Variants in HS3ST3B1 observed in about 807,000 individuals in gnomAD.
HS3ST3B1 encodes heparan sulfate glucosamine 3-O-sulfotransferase 3B1.
A neutral mutation model predicts 21.3 loss-of-function variants in HS3ST3B1; 13 were observed. That is an observed-to-expected ratio of 0.61 (90% CI 0.40 to 0.97). HS3ST3B1 has a LOEUF of 0.97. HS3ST3B1 is among the 50% of genes least tolerant of loss of function. HS3ST3B1 has a pLI of 0.00. For missense variants in HS3ST3B1, 459 were observed against 554.8 expected (o/e 0.83, Z 1.73); for synonymous variants, 234 against 254.8 (o/e 0.92, Z 0.78).
intron 1 of HS3ST3B1, among the ~76,000 whole-genome samples, chr17:14,306,125 T>C (rs2142323342): frequency 6.6e-6 from 1 of 152,326 alleles, no homozygotes; most frequent in East Asian, 1.9e-4. Flanking sequence ...CCTTTAGTGG[T>C]CTCAGCGCAG....
At chr17:14,336,903 G>C (rs185160789) in intron 1 of HS3ST3B1, among the ~76,000 whole-genome samples, 32 of 152,156 alleles carry the variant, frequency 2.1e-4, no homozygotes, top group African/African-American at 7.5e-4. Flanking sequence ...AGGCTGACAA[G>C]ACCAAGATTT....
chr17:14,321,661 T>A (rs1909662690), intron 1 of HS3ST3B1, among the ~76,000 whole-genome samples: 1 of 151,726 alleles, frequency 6.6e-6, no homozygotes, highest in Non-Finnish European at 1.5e-5. Context: ...TTCCAGGATG[T>A]GGGTAAGTGG....
At chr17:14,340,349 C>T (rs7222663) in intron 1 of HS3ST3B1, among the ~76,000 whole-genome samples, 22,733 of 151,920 alleles carry the variant, frequency 0.15, 1,778 homozygotes, top group Middle Eastern at 0.18. Flanking sequence ...CCTATTAGAT[C>T]GGTTTAGCCA....
chr17:14,305,948 G>A (rs1909125639), intron 1 of HS3ST3B1, among the ~76,000 whole-genome samples: 2 of 152,152 alleles, frequency 1.3e-5, no homozygotes, highest in Admixed American at 1.3e-4. Context: ...TCACAGCTGG[G>A]AAGTACCAAA....
chr17:14,306,113 TG>T (rs1909132428), intron 1 of HS3ST3B1, among the ~76,000 whole-genome samples: 1 of 152,198 alleles, frequency 6.6e-6, no homozygotes. Context: ...CTTTCTGACA[TG>T]CCTTTAGTGG....
chr17:14,313,061 C>T (rs1465505062), intron 1 of HS3ST3B1, among the ~76,000 whole-genome samples: 1 of 123,900 alleles, frequency 8.1e-6, no homozygotes, highest in Non-Finnish European at 1.7e-5. Flanking sequence ...CCCACCACAC[C>T]ACACCCAGCT....
chr17:14,329,354 A>G (rs1159867532), intron 1 of HS3ST3B1: 32 of 111,884 alleles, frequency 2.9e-4, no homozygotes, highest in African/African-American at 1.1e-3. Context: ...AGAAAGAAAG[A>G]AAGAAAGAAA....
At chr17:14,321,154 G>C (rs1909646640) in intron 1 of HS3ST3B1, among the ~76,000 whole-genome samples, 1 of 152,162 alleles carries the variant, frequency 6.6e-6, no homozygotes, top group Non-Finnish European at 1.5e-5. Flanking sequence ...CTTTTCCCCA[G>C]GATTGCTCAC....
chr17:14,301,760 C>T lies in HS3ST3B1; in HGVS notation c.242C>T (p.Pro81Leu). ...AHDPPALATA[P>L]DGTPPRLPFR... ...GACCCGCCAGCCCTGGCCACAGCTC[C>T]GGACGGGACGCCCCCCAGGCTGCCG... Residue 81 changes from proline (P) to leucine (L), a missense_variant, in exon 1 of 2, where the codon CCG (proline) becomes CTG (leucine). Pro to Leu is a moderately conservative substitution (Grantham distance 98, BLOSUM62 -3). Around this residue, in one of 3 missense-constraint regions of HS3ST3B1, gnomAD observed 317 missense variants for 278.6 expected, o/e 1.14. Transcript: ENST00000360954. 1 of 1,579,434 alleles carries T rather than the reference C, an allele frequency of 6.3e-7. No individual in the cohort carries two copies. Among genetic ancestry groups the T allele is most frequent in the African/African-American group, 1.3e-5 (1 of 74,686 alleles).
chr17:14,319,690 A>T (rs1437255797), intron 1 of HS3ST3B1, among the ~76,000 whole-genome samples: 5 of 152,200 alleles, frequency 3.3e-5, no homozygotes, highest in Non-Finnish European at 5.9e-5. Context: ...GATTAATAAA[A>T]ATATAATGTC....
intron 1 of HS3ST3B1, 39 bp downstream of exon 1, chr17:14,302,111 T>A: frequency 6.4e-7 from 1 of 1,553,882 alleles, no homozygotes; most frequent in Non-Finnish European, 8.7e-7. Context: ...CCATCGTCGA[T>A]TCAGACCCTG....
intron 1 of HS3ST3B1, chr17:14,327,766 A>G (rs1909861533): frequency 6.6e-6 from 1 of 152,174 alleles, no homozygotes; most frequent in Admixed American, 6.5e-5. Context: ...TGTTCATTCA[A>G]CAAATATTTT....
chr17:14,325,961 C>A (rs1297585755), intron 1 of HS3ST3B1, among the ~76,000 whole-genome samples: 1 of 152,174 alleles, frequency 6.6e-6, no homozygotes, highest in Non-Finnish European at 1.5e-5. Context: ...GTCCTCACCC[C>A]CTTGGAGGAC....
intron 1 of HS3ST3B1, among the ~76,000 whole-genome samples, chr17:14,316,160 G>A (rs959353254): frequency 2.6e-5 from 4 of 152,118 alleles, no homozygotes. Flanking sequence ...CAGGCTTCCC[G>A]TTCCTATAGC....
At chr17:14,315,450 A>G (rs2142331376) in intron 1 of HS3ST3B1, among the ~76,000 whole-genome samples, 1 of 152,334 alleles carries the variant, frequency 6.6e-6, no homozygotes, top group South Asian at 2.1e-4. Flanking sequence ...CAGGTTTTGC[A>G]TGTATCTCCT....
At chr17:14,333,258 G>A (rs1160805818) in intron 1 of HS3ST3B1, among the ~76,000 whole-genome samples, 3 of 152,020 alleles carry the variant, frequency 2.0e-5, no homozygotes, top group African/African-American at 7.2e-5. Flanking sequence ...ACGAGGTCAG[G>A]AGTTTGAGAC....
intron 1 of HS3ST3B1, among the ~76,000 whole-genome samples, chr17:14,333,483 A>AC (rs1255107990): frequency 2.6e-5 from 4 of 151,756 alleles, no homozygotes; most frequent in Middle Eastern, 3.4e-3. Context: ...AAAAACAACA[A>AC]AAAAAAACAG....
At chr17:14,328,191 A>G (rs906960188) in intron 1 of HS3ST3B1, 3 of 152,230 alleles carry the variant, frequency 2.0e-5, no homozygotes, top group Non-Finnish European at 4.4e-5. Context: ...ACAAATAATC[A>G]TGGAACCTAC....
At chr17:14,331,890 T>C (rs1422232399) in intron 1 of HS3ST3B1, among the ~76,000 whole-genome samples, 3 of 152,030 alleles carry the variant, frequency 2.0e-5, no homozygotes, top group Non-Finnish European at 4.4e-5. Context: ...GGAAGGAGGT[T>C]CCAGATAAGG....
Sources: allele counts gnomAD v4.1 joint callset (sites outside exome capture counted in the v4.1 genomes callset), GRCh38; gene constraint gnomAD v4.1.1; regional missense constraint gnomAD v4.1.1; transcripts MANE v1.5; gene names NCBI Gene and HGNC (gene_info 2026-07-23, HGNC 2026-07-21).